Variants in OR7C1 observed in about 807,000 individuals in gnomAD.
OR7C1 encodes the protein olfactory receptor family 7 subfamily C member 1, also known as olfactory receptor 7C1.
For synonymous variants in OR7C1, 152 were observed against 160.7 expected (o/e 0.95, Z 0.41); for missense variants, 324 against 383.3 (o/e 0.85, Z 1.29).
chr19:14,806,720 C>A (rs2044667992), intron 2 of OR7C1, among the ~76,000 whole-genome samples: 1 of 151,904 alleles, frequency 6.6e-6, no homozygotes, highest in African/African-American at 2.4e-5. Flanking sequence ...GGTCTTGTCC[C>A]TTTTTATGGC....
Position 14,813,810 on chromosome 19 carries a change from C to G in OR7C1, c.-622-3817G>C, listed in dbSNP as rs1195849764. On this transcript the variant is annotated intron_variant, in intron 1 of 4. Coordinates refer to ENST00000641666, the Ensembl canonical transcript of OR7C1. ...CAAGGGGGAAATCTGCCCCCATGAC[C>G]CAATCACCTCCCACCAGGCCCCTTC... is the stretch of plus-strand genomic sequence containing the variant. Among the ~76,000 whole-genome samples the G allele has an allele frequency of 1.7e-4, 26 of 152,000 alleles. 1 individual carries two copies. Among genetic ancestry groups the G allele is most frequent in the Admixed American group, 1.7e-3 (26 of 15,250 alleles).
At chr19:14,834,527 A>G (rs2044865826) in intron 1 of OR7C1, among the ~76,000 whole-genome samples, 1 of 152,210 alleles carries the variant, frequency 6.6e-6, no homozygotes, top group African/African-American at 2.4e-5. Context: ...ATAGTCTCTC[A>G]CCTATTAAAT....
chr19:14,830,192 T>G (rs1329287618), intron 1 of OR7C1, among the ~76,000 whole-genome samples: 1 of 152,222 alleles, frequency 6.6e-6, no homozygotes, highest in Non-Finnish European at 1.5e-5. Context: ...CAGATTCTTT[T>G]TTCCCTACAG....
chr19:14,828,248 G>C (rs1428520814), intron 1 of OR7C1: 1 of 1,605,452 alleles, frequency 6.2e-7, no homozygotes, highest in Non-Finnish European at 8.5e-7. Context: ...CCATTTGATT[G>C]AAGTGACTAT....
chr19:14,825,375 A>C (rs1357160802), intron 1 of OR7C1: 2 of 152,202 alleles, frequency 1.3e-5, no homozygotes. Flanking sequence ...TCTAATGTAC[A>C]CTATGACGAC....
At chr19:14,817,400 C>T (rs574776474) in intron 1 of OR7C1, among the ~76,000 whole-genome samples, 8 of 152,296 alleles carry the variant, frequency 5.3e-5, no homozygotes, top group African/African-American at 1.4e-4. Flanking sequence ...CATCTTTTGC[C>T]GCTATGTAGA....
chr19:14,799,735 G>C, exon 5 of OR7C1: 2 of 1,614,054 alleles, frequency 1.2e-6, no homozygotes. Flanking sequence ...GGTTCATGAT[G>C]ACCGTATAGT....
intron 1 of OR7C1, chr19:14,828,286 G>A (rs780483170): frequency 9.6e-6 from 15 of 1,561,806 alleles, no homozygotes; most frequent in Middle Eastern, 1.7e-4. Context: ...AGAGGGAAAC[G>A]AGACAGGCAT....
At chr19:14,827,005 C>T (rs1336049777) in intron 1 of OR7C1, 1 of 271,002 alleles carries the variant, frequency 3.7e-6, no homozygotes, top group African/African-American at 2.2e-5. Flanking sequence ...TACAACTCTT[C>T]CCTGTATGAG....
intron 2 of OR7C1, among the ~76,000 whole-genome samples, chr19:14,802,987 G>T (rs2044648904): frequency 6.6e-6 from 1 of 152,102 alleles, no homozygotes; most frequent in African/African-American, 2.4e-5. Flanking sequence ...GCTTGAGGAG[G>T]CAGTGTTTGA....
chr19:14,826,575 A>T (rs1040258663), intron 1 of OR7C1: 1 of 152,236 alleles, frequency 6.6e-6, no homozygotes, highest in Admixed American at 6.5e-5. Context: ...CAAGTCTTCC[A>T]TAGCAATTCA....
intron 1 of OR7C1, chr19:14,824,387 C>T (rs953477249): frequency 1.3e-5 from 2 of 152,212 alleles, no homozygotes; most frequent in Non-Finnish European, 2.9e-5. Flanking sequence ...TTTCTCCCCA[C>T]TATAGTAGTC....
chr19:14,811,926 C>G (rs1282573818), intron 1 of OR7C1, among the ~76,000 whole-genome samples: 1 of 151,936 alleles, frequency 6.6e-6, no homozygotes, highest in Non-Finnish European at 1.5e-5. Flanking sequence ...AGGCTGTGGA[C>G]CAGTACTGGT....
chr19:14,800,028 CTAGG>C lies in OR7C1; in HGVS notation c.105_108del (p.Tyr35Ter). The C allele has an allele frequency of 6.2e-7, 1 of 1,614,026 alleles. No homozygotes were observed. The highest frequency in any genetic ancestry group is 1.1e-5 in the South Asian group (1 of 91,076). On this transcript the variant is annotated frameshift_variant, in exon 5 of 5. Transcript: ENST00000641666. LOFTEE classifies it low-confidence loss of function (END_TRUNC). The stretch of plus-strand genomic sequence containing the variant: ...ATGAGCAGGTTCCCGGTGAAAGTGA[CTAGG>C]TACATGGAGAGGAACAGCCCAAAGA...
At chr19:14,813,640 C>G (rs1304119895) in intron 1 of OR7C1, among the ~76,000 whole-genome samples, 1 of 152,026 alleles carries the variant, frequency 6.6e-6, no homozygotes, top group Non-Finnish European at 1.5e-5. Context: ...GGGGAGGCCT[C>G]AGGAAACTTA....
rs886229429 is a variant in OR7C1 at position 14,800,410 on chromosome 19, A to C, written c.-168T>G. On this transcript the variant is annotated 5_prime_UTR_variant, in exon 4 of 5. Coordinates refer to ENST00000641666, the Ensembl canonical transcript of OR7C1. ...TTGTCCATGAACCAACAAGATCAAC[A>C]AGAGTTTCTTTAAATGCAGAATCCC... 1.6e-5 allele frequency: 6 copies of C among 379,160 alleles called. No individual in the cohort carries two copies. The Admixed American group carries it at 2.5e-4, about 16-fold the overall frequency. The allele number at this position is 379,160 out of a possible 1,614,324, so 23.5% of individuals were successfully genotyped here. A position where few individuals can be genotyped will look rare whatever the true frequency, so the allele number is the denominator to read the frequency against.
At chr19:14,828,623 G>A (rs759511760) in intron 1 of OR7C1, among the ~76,000 whole-genome samples, 9 of 151,938 alleles carry the variant, frequency 5.9e-5, no homozygotes, top group Non-Finnish European at 8.8e-5. Context: ...GCCTGGTGTA[G>A]TGGCATGCGC....
chr19:14,822,846 ATT>A (rs879410548), intron 1 of OR7C1, among the ~76,000 whole-genome samples: 2 of 137,290 alleles, frequency 1.5e-5, no homozygotes, highest in Non-Finnish European at 1.6e-5. Context: ...TCCTCTGCCT[ATT>A]TTTTTTTTTT....
chr19:14,803,049 G>A (rs1384959970), intron 2 of OR7C1, among the ~76,000 whole-genome samples: 5 of 152,116 alleles, frequency 3.3e-5, no homozygotes, highest in Non-Finnish European at 4.4e-5. Flanking sequence ...GCTCACGCCT[G>A]TAATCTCAGC....
Sources: allele counts gnomAD v4.1 joint callset (sites outside exome capture counted in the v4.1 genomes callset), GRCh38; gene constraint gnomAD v4.1.1; transcripts MANE v1.5; gene names NCBI Gene and HGNC (gene_info 2026-07-23, HGNC 2026-07-21).